CSMD1: variants seen among roughly 807,000 people sequenced by gnomAD.
CSMD1 encodes the protein CUB and sushi domain-containing protein 1.
CSMD1 carries 213 observed loss-of-function variants against 417.5 expected under a neutral mutation model. That is an observed-to-expected ratio of 0.51 (90% CI 0.46 to 0.57). CSMD1 has a LOEUF of 0.57. Ranked by LOEUF, CSMD1 falls within the 20% of genes least tolerant of loss-of-function variation. The pLI, the probability that CSMD1 is intolerant of heterozygous loss-of-function variation, is 0.00. For synonymous variants in CSMD1, 2,862 were observed against 1,736.8 expected (o/e 1.65, Z -16.11); for missense variants, 6,923 against 4,529.7 (o/e 1.53, Z -15.17).
chr8:4,356,420 G>A (rs1563088529), intron 3 of CSMD1, among the ~76,000 whole-genome samples: 1 of 152,118 alleles, frequency 6.6e-6, no homozygotes, highest in Non-Finnish European at 1.5e-5. Flanking sequence ...TGTCAATTGT[G>A]CTACTATAAA....
intron 12 of CSMD1, among the ~76,000 whole-genome samples, chr8:3,417,813 G>A (rs527379682): frequency 6.6e-6 from 1 of 151,066 alleles, no homozygotes; most frequent in South Asian, 2.1e-4. Context: ...GCACATAAAT[G>A]GAAGTCTACA....
At chr8:3,117,134 G>C (rs78665108) in intron 42 of CSMD1, among the ~76,000 whole-genome samples, 1 of 152,070 alleles carries the variant, frequency 6.6e-6, no homozygotes, top group African/African-American at 2.4e-5. Flanking sequence ...GCAGTGGCAC[G>C]ATCTCAGGGC....
chr8:4,658,289 C>G (rs535828702), intron 1 of CSMD1, among the ~76,000 whole-genome samples: 8 of 152,132 alleles, frequency 5.3e-5, no homozygotes, highest in African/African-American at 1.9e-4. Flanking sequence ...GAGATCCATA[C>G]TGGGACATAT....
chr8:4,404,923 C>A (rs954819394), intron 3 of CSMD1, among the ~76,000 whole-genome samples: 1 of 152,170 alleles, frequency 6.6e-6, no homozygotes, highest in Non-Finnish European at 1.5e-5. Flanking sequence ...CCTATGATGT[C>A]AGTCATCCGA....
At chr8:4,505,022 G>A (rs981442340) in intron 2 of CSMD1, among the ~76,000 whole-genome samples, 2 of 152,090 alleles carry the variant, frequency 1.3e-5, no homozygotes, top group Non-Finnish European at 2.9e-5. Flanking sequence ...TGTGTCAAAT[G>A]GTATTTCTGT....
At chr8:3,594,166 A>G (rs1429223292) in intron 8 of CSMD1, among the ~76,000 whole-genome samples, 6 of 152,148 alleles carry the variant, frequency 3.9e-5, no homozygotes, top group African/African-American at 1.4e-4. Flanking sequence ...TGCCCGACCT[A>G]CAGGGGTTTG....
intron 39 of CSMD1, among the ~76,000 whole-genome samples, chr8:3,156,450 T>A (rs1236630035): frequency 6.6e-6 from 1 of 152,102 alleles, no homozygotes; most frequent in Non-Finnish European, 1.5e-5. Context: ...CACCAAAGCC[T>A]TTGGGGATTG....
At chr8:4,068,681 T>C (rs536726094) in intron 3 of CSMD1, among the ~76,000 whole-genome samples, 2 of 152,286 alleles carry the variant, frequency 1.3e-5, no homozygotes, top group Non-Finnish European at 2.9e-5. Context: ...GATAAAACTA[T>C]TATTCTCATT....
chr8:4,627,680 C>A lies in CSMD1; in HGVS notation c.302+9662G>T, dbSNP rs376318497. ...TGGTCACTCCAGCTGCTCCGGGATG[C>A]CCCAGCCTCTGCTGGCTGCCTCTGC... On this transcript the variant is annotated intron_variant, in intron 2 of 69. Transcript: ENST00000635120. 1.4e-4 allele frequency among the ~76,000 whole-genome samples: 22 copies of A among 152,246 alleles called. No homozygotes were observed. In the East Asian group the frequency reaches 2.5e-3, roughly 17 times the overall value.
chr8:4,014,623 C>G (rs538250309), intron 4 of CSMD1, among the ~76,000 whole-genome samples: 4 of 152,190 alleles, frequency 2.6e-5, no homozygotes, highest in Admixed American at 6.5e-5. Flanking sequence ...ATTAGCCCAA[C>G]TTAACAAATT....
chr8:4,733,754 A>G (rs550914594), intron 1 of CSMD1, among the ~76,000 whole-genome samples: 4 of 152,332 alleles, frequency 2.6e-5, no homozygotes, highest in South Asian at 4.1e-4. Flanking sequence ...AAACTGGTAA[A>G]CAAAGAAACA....
chr8:3,252,322 C>G (rs947676962), intron 26 of CSMD1, among the ~76,000 whole-genome samples: 1 of 152,064 alleles, frequency 6.6e-6, no homozygotes, highest in African/African-American at 2.4e-5. Flanking sequence ...GGGATTATCA[C>G]GTGGTTTTTG....
At chr8:3,471,490 T>A (rs1030892056) in intron 11 of CSMD1, among the ~76,000 whole-genome samples, 1 of 95,576 alleles carries the variant, frequency 1.0e-5, no homozygotes, top group Non-Finnish European at 2.7e-5. Context: ...AGTTCCTTCC[T>A]TCTTTCCTTC....
chr8:3,944,364 G>A lies in CSMD1; in HGVS notation c.818+53539C>T, dbSNP rs529904811. Among the ~76,000 whole-genome samples, 37 of 152,198 alleles carry A rather than the reference G, an allele frequency of 2.4e-4. No homozygotes were observed. In the East Asian group the frequency reaches 6.8e-3, roughly 28 times the overall value. On this transcript the variant is annotated intron_variant, in intron 5 of 69. Transcript: ENST00000635120. ...AAGAATAATTTTTGTACCAAAATAAGATGTGTTCCTCTCTACGACTGAATA... is the reference window on the plus strand; with the variant it reads ...AAGAATAATTTTTGTACCAAAATAAAATGTGTTCCTCTCTACGACTGAATA...
intron 3 of CSMD1, among the ~76,000 whole-genome samples, chr8:4,338,274 G>A (rs925867034): frequency 1.3e-5 from 2 of 152,116 alleles, no homozygotes; most frequent in South Asian, 2.1e-4. Context: ...TTGAGTAAGT[G>A]CAAGAGTTCA....
intron 7 of CSMD1, among the ~76,000 whole-genome samples, chr8:3,680,512 C>T (rs941371300): frequency 2.0e-5 from 3 of 152,096 alleles, no homozygotes; most frequent in African/African-American, 7.2e-5. Context: ...CTGAATAGAC[C>T]AATAACAGGC....
chr8:3,725,787 A>T (rs1759704794), intron 6 of CSMD1, among the ~76,000 whole-genome samples: 1 of 152,150 alleles, frequency 6.6e-6, no homozygotes, highest in African/African-American at 2.4e-5. Flanking sequence ...CGTGAAAACC[A>T]TTGATCTAGG....
chr8:4,273,355 G>C (rs957634800), intron 3 of CSMD1, among the ~76,000 whole-genome samples: 8 of 152,056 alleles, frequency 5.3e-5, no homozygotes, highest in Non-Finnish European at 1.2e-4. Context: ...ATATTTACGG[G>C]TAATTCGAGA....
At chr8:3,656,855 G>A (rs1168313135) in intron 7 of CSMD1, among the ~76,000 whole-genome samples, 2 of 152,042 alleles carry the variant, frequency 1.3e-5, no homozygotes, top group Non-Finnish European at 2.9e-5. Flanking sequence ...TCCCTGGGTG[G>A]CAGAGGTGGC....
Sources: gnomAD v4.1 joint callset for allele counts (sites outside exome capture counted in the v4.1 genomes callset) on GRCh38, gnomAD v4.1.1 for gene constraint, MANE v1.5 for transcripts, NCBI Gene and HGNC (gene_info 2026-07-23, HGNC 2026-07-21) for gene names.